Variants in RFPL1 observed in about 807,000 individuals in gnomAD.
The protein encoded by RFPL1 is ret finger protein like 1, also known as ret finger protein-like 1.
Under a neutral mutation model 9.6 loss-of-function variants are expected in RFPL1, and 6 were observed. The ratio of observed to expected loss-of-function variants is 0.62; its 90% CI spans 0.34 to 1.23. The LOEUF is 1.23. Among genes scored for constraint, RFPL1 ranks in the 50% most tolerant of loss-of-function variants. The probability of loss-of-function intolerance (pLI) is 0.03; values close to 1 mark genes in which losing one functional copy is unlikely to be tolerated. For synonymous variants in RFPL1, 145 were observed against 149.4 expected, an observed-to-expected ratio of 0.97 and a Z score of 0.22; for missense variants, 352 against 398.4, an observed-to-expected ratio of 0.88 and a Z score of 0.99.
At chr22:29,441,642 C>T in exon 2 of RFPL1, 1 of 1,613,942 alleles carries the variant, frequency 6.2e-7, no homozygotes, top group Non-Finnish European at 8.5e-7. Context: ...ATCGGCAAGA[C>T]CTTGCCGAGA....
the RFPL1 span, among the ~76,000 whole-genome samples, chr22:29,391,210 G>A: frequency 6.6e-6 from 1 of 152,048 alleles, no homozygotes; most frequent in Admixed American, 6.6e-5. Flanking sequence ...CTTCAACAAT[G>A]GAATTTATTT....
the RFPL1 span, among the ~76,000 whole-genome samples, chr22:29,418,580 C>A: frequency 1.3e-5 from 2 of 150,110 alleles, no homozygotes; most frequent in Non-Finnish European, 1.5e-5. Context: ...GCTGAATGCA[C>A]CCTCTGTCTC....
chr22:29,429,418 AAAG>A, the RFPL1 span, among the ~76,000 whole-genome samples: 41 of 151,744 alleles, frequency 2.7e-4, no homozygotes, highest in Admixed American at 2.2e-3. Flanking sequence ...AACTAAGAAA[AAAG>A]AAGAAGAAGA....
the RFPL1 span, among the ~76,000 whole-genome samples, chr22:29,405,633 A>T: frequency 6.6e-6 from 1 of 152,208 alleles, no homozygotes; most frequent in Non-Finnish European, 1.5e-5. Flanking sequence ...TAGAGGACTC[A>T]GATGTTCCTG....
the RFPL1 span, among the ~76,000 whole-genome samples, chr22:29,408,477 C>T: frequency 6.6e-6 from 1 of 152,252 alleles, no homozygotes; most frequent in South Asian, 2.1e-4. Flanking sequence ...CACCAATGCA[C>T]TGACTGTCAC....
At chr22:29,394,151 C>A in the RFPL1 span, among the ~76,000 whole-genome samples, 3 of 152,130 alleles carry the variant, frequency 2.0e-5, no homozygotes, top group Non-Finnish European at 4.4e-5. Context: ...TGTTTTTATA[C>A]CCTGCCCGAT....
the RFPL1 span, among the ~76,000 whole-genome samples, chr22:29,405,982 G>A: frequency 8.6e-5 from 13 of 150,426 alleles, no homozygotes; most frequent in Non-Finnish European, 1.6e-4. Flanking sequence ...GGTGGCAGGC[G>A]CCTGTAGTCC....
the RFPL1 span, among the ~76,000 whole-genome samples, chr22:29,403,030 CAGCCTTCAGT>C: frequency 5.4e-5 from 8 of 148,022 alleles, no homozygotes; most frequent in Non-Finnish European, 1.2e-4. Context: ...GCAGGGCCAG[CAGCCTTCAGT>C]AGCTGGTAGT....
chr22:29,393,979 T>G, the RFPL1 span, among the ~76,000 whole-genome samples: 30 of 151,878 alleles, frequency 2.0e-4, no homozygotes, highest in African/African-American at 7.3e-4. Context: ...GCCCGGCCTA[T>G]TTTTATTTGT....
At chr22:29,409,127 A>G in the RFPL1 span, among the ~76,000 whole-genome samples, 1 of 152,046 alleles carries the variant, frequency 6.6e-6, no homozygotes, top group Non-Finnish European at 1.5e-5. Flanking sequence ...TCACCCATTT[A>G]AAGTACGTGA....
At chr22:29,400,243 G>A in the RFPL1 span, among the ~76,000 whole-genome samples, 1 of 151,972 alleles carries the variant, frequency 6.6e-6, no homozygotes, top group African/African-American at 2.4e-5. Context: ...TGATCCACCC[G>A]TCTCAGCCTC....
chr22:29,418,830 C>T, the RFPL1 span, among the ~76,000 whole-genome samples: 1 of 152,094 alleles, frequency 6.6e-6, no homozygotes, highest in African/African-American at 2.4e-5. Context: ...AACCAGAAGA[C>T]CTGGCCACAC....
At chr22:29,441,251 G>A (rs923985508) in intron 1 of RFPL1, 11 of 426,828 alleles carry the variant, frequency 2.6e-5, no homozygotes, top group Non-Finnish European at 4.6e-5. Flanking sequence ...AGGGGGTCAT[G>A]GTGTCTGCCT....
chr22:29,403,724 C>G, the RFPL1 span, among the ~76,000 whole-genome samples: 5 of 152,332 alleles, frequency 3.3e-5, no homozygotes, highest in African/African-American at 9.6e-5. Flanking sequence ...AGGCAAATGA[C>G]AACTATACTG....
the RFPL1 span, among the ~76,000 whole-genome samples, chr22:29,422,826 C>T: frequency 9.0e-5 from 10 of 110,796 alleles, no homozygotes; most frequent in Non-Finnish European, 1.9e-4. Context: ...CACACACACA[C>T]TCTCTCTCTG....
the RFPL1 span, among the ~76,000 whole-genome samples, chr22:29,404,607 G>A: frequency 1.3e-5 from 2 of 152,172 alleles, no homozygotes; most frequent in African/African-American, 4.8e-5. Context: ...CATATGAGCT[G>A]CTTTGAATAC....
the RFPL1 span, among the ~76,000 whole-genome samples, chr22:29,398,232 C>A: frequency 6.6e-6 from 1 of 152,156 alleles, no homozygotes; most frequent in African/African-American, 2.4e-5. Flanking sequence ...AACAGTGATC[C>A]ACTGACCCCA....
chr22:29,393,773 T>G, the RFPL1 span, among the ~76,000 whole-genome samples: 730 of 152,234 alleles, frequency 4.8e-3, 14 homozygotes, highest in East Asian at 0.078. Context: ...AGTTTTTATT[T>G]TTATTTATTT....
At chr22:29,404,772 G>T in the RFPL1 span, among the ~76,000 whole-genome samples, 1 of 152,170 alleles carries the variant, frequency 6.6e-6, no homozygotes, top group Non-Finnish European at 1.5e-5. Context: ...TGTCACCCAG[G>T]CTGGAGTGCA....
Sources: allele counts gnomAD v4.1 joint callset (sites outside exome capture counted in the v4.1 genomes callset), GRCh38; gene constraint gnomAD v4.1.1; transcripts MANE v1.5; gene names NCBI Gene and HGNC (gene_info 2026-07-23, HGNC 2026-07-21).